The following NAV3 variants were observed in gnomAD, a reference collection of about 807,000 sequenced individuals.
NAV3 encodes neuron navigator 3, also known as pore membrane and/or filament interacting like protein 1.
Under a neutral mutation model 244.7 loss-of-function variants are expected in NAV3, and 87 were observed. The ratio of observed to expected loss-of-function variants is 0.36; its 90% CI spans 0.30 to 0.42. The LOEUF (loss-of-function observed/expected upper bound fraction) is 0.42. NAV3 is among the 20% of genes least tolerant of loss of function. The pLI is 1.00. For missense variants in NAV3, 2,663 were observed against 2,893.3 expected, an observed-to-expected ratio of 0.92 and a Z score of 1.83; for synonymous variants, 1,126 against 1,042.2, an observed-to-expected ratio of 1.08 and a Z score of -1.55.
chr12:77,912,910 C>T (rs543126976), intron 1 of NAV3, among the ~76,000 whole-genome samples: 1 of 152,266 alleles, frequency 6.6e-6, no homozygotes, highest in East Asian at 1.9e-4. Context: ...TGCCGTTTTA[C>T]ATGCATTTTT....
At chr12:78,104,285 A>G (rs1954689617) in intron 12 of NAV3, among the ~76,000 whole-genome samples, 1 of 152,224 alleles carries the variant, frequency 6.6e-6, no homozygotes, top group African/African-American at 2.4e-5. Context: ...TACCTGCCAT[A>G]TGAAGTGCTA....
chr12:78,140,918 G>A (rs931730585), intron 20 of NAV3, among the ~76,000 whole-genome samples: 1 of 150,986 alleles, frequency 6.6e-6, no homozygotes, highest in Admixed American at 6.6e-5. Flanking sequence ...TTGAGTCGAG[G>A]TCTTGCTTTG....
intron 2 of NAV3, among the ~76,000 whole-genome samples, chr12:77,819,672 T>G (rs1171193244): frequency 1.3e-5 from 2 of 152,102 alleles, no homozygotes; most frequent in African/African-American, 4.8e-5. Context: ...CAAGACAATA[T>G]GGACACAGGA....
At chr12:78,136,848 C>T (rs765036881) in intron 18 of NAV3, among the ~76,000 whole-genome samples, 1 of 152,118 alleles carries the variant, frequency 6.6e-6, no homozygotes, top group Non-Finnish European at 1.5e-5. Context: ...AAACCGAAAA[C>T]TCTAGAAAGA....
chr12:77,943,127 A>G lies in NAV3; in HGVS notation c.414+1994A>G, dbSNP rs140950517. ...GTTAATAGAGATGCTGTTTTTACCTATTTATCTGAAACAGCTGTTCCTAGA... is the reference window on the plus strand; with the variant it reads ...GTTAATAGAGATGCTGTTTTTACCTGTTTATCTGAAACAGCTGTTCCTAGA... On this transcript the variant is annotated intron_variant, in intron 3 of 39. Transcript: ENST00000397909. 2.5e-3 allele frequency among the ~76,000 whole-genome samples: 380 copies of G among 152,276 alleles called. 5 individuals carry two copies. The South Asian group carries it at 0.028, about 11-fold the overall frequency.
At chr12:77,690,432 AGTC>A (rs943621972) in intron 2 of NAV3, among the ~76,000 whole-genome samples, 8 of 151,864 alleles carry the variant, frequency 5.3e-5, no homozygotes, top group Admixed American at 5.3e-4. Context: ...AAGTAGTTAA[AGTC>A]GTATTAATCA....
rs1873581396 is a variant in NAV3 at position 77,831,151 on chromosome 12, CAGAGAGAGAGAGAGAGACAGAG to C, written c.-293_-272del. On this transcript the variant is annotated 5_prime_UTR_variant, in exon 1 of 40. Transcript: ENST00000397909. ...ATTACTTAGATACTGAGTCACTGAACAGAGAGAGAGAGAGAGACAGAGAGAGAGAGAGAGAGAGAGAGACAGA... is the reference window on the plus strand; with the variant it reads ...ATTACTTAGATACTGAGTCACTGAACAGAGAGAGAGAGAGAGAGAGACAGA... 3 of 155,966 alleles carry C rather than the reference CAGAGAGAGAGAGAGAGACAGAG, an allele frequency of 1.9e-5. No homozygotes were observed. The highest frequency in any genetic ancestry group is 3.5e-5 in the African/African-American group (1 of 28,192). The allele number at this position is 155,966 out of a possible 1,614,324, so 9.7% of individuals were successfully genotyped here.
chr12:78,177,049 G>A, intron 26 of NAV3, 92 bp from the exon 27 acceptor site: 1 of 1,296,358 alleles, frequency 7.7e-7, no homozygotes. Context: ...ACCCCAGGCA[G>A]TGGCTAGGAT....
At chr12:77,663,836 A>T (rs559816583) in intron 2 of NAV3, among the ~76,000 whole-genome samples, 5 of 152,288 alleles carry the variant, frequency 3.3e-5, no homozygotes, top group African/African-American at 9.6e-5. Context: ...TATTTCTTTT[A>T]AGTGAGCATG....
At chr12:78,000,976 TAA>T (rs58014765) in intron 7 of NAV3, among the ~76,000 whole-genome samples, 530 of 141,122 alleles carry the variant, frequency 3.8e-3, no homozygotes, top group Middle Eastern at 3.6e-3. Context: ...AGACTGGGTC[TAA>T]AAAAAAAAAA....
intron 1 of NAV3, among the ~76,000 whole-genome samples, chr12:77,832,355 A>C (rs949050763): frequency 6.6e-6 from 1 of 152,240 alleles, no homozygotes; most frequent in Admixed American, 6.5e-5. Flanking sequence ...TTTCTAAAGC[A>C]TACTACAACC....
At chr12:77,599,629 G>T (rs1322288290) in intron 2 of NAV3, among the ~76,000 whole-genome samples, 1 of 151,654 alleles carries the variant, frequency 6.6e-6, no homozygotes, top group African/African-American at 2.4e-5. Flanking sequence ...ATATATATGT[G>T]TGATATATAT....
chr12:77,659,690 G>A (rs1422467870), intron 2 of NAV3, among the ~76,000 whole-genome samples: 6 of 152,128 alleles, frequency 3.9e-5, no homozygotes, highest in Non-Finnish European at 7.3e-5. Context: ...ATTCACAATA[G>A]CAAAGACTTG....
At chr12:78,188,474 T>C (rs780379929) in intron 32 of NAV3, 131 bp downstream of exon 32, 6 of 1,162,482 alleles carry the variant, frequency 5.2e-6, no homozygotes, top group Non-Finnish European at 7.3e-6. Flanking sequence ...GTTTGTGCTA[T>C]TTGATATTAA....
chr12:77,576,685 T>C (rs1869100654), intron 2 of NAV3, among the ~76,000 whole-genome samples: 1 of 152,088 alleles, frequency 6.6e-6, no homozygotes, highest in South Asian at 2.1e-4. Flanking sequence ...AGGTGTAGAC[T>C]ACTTAAGATT....
intron 2 of NAV3, among the ~76,000 whole-genome samples, chr12:77,748,325 G>C (rs1473779333): frequency 1.3e-5 from 2 of 152,126 alleles, no homozygotes; most frequent in Non-Finnish European, 2.9e-5. Context: ...TCCATCTGTG[G>C]TTTGATTTAC....
chr12:77,734,860 A>G (rs765029369), intron 2 of NAV3, among the ~76,000 whole-genome samples: 12 of 152,178 alleles, frequency 7.9e-5, no homozygotes, highest in Non-Finnish European at 1.6e-4. Context: ...CGCAAAAACA[A>G]CAGAATTACT....
At chr12:77,847,393 T>A (rs1876819581) in intron 1 of NAV3, among the ~76,000 whole-genome samples, 1 of 152,212 alleles carries the variant, frequency 6.6e-6, no homozygotes, top group African/African-American at 2.4e-5. Context: ...TGTCTAGTTA[T>A]CCCAGGCAGA....
At chr12:77,589,597 C>G (rs1869810533) in intron 2 of NAV3, among the ~76,000 whole-genome samples, 1 of 152,078 alleles carries the variant, frequency 6.6e-6, no homozygotes, top group Admixed American at 6.5e-5. Flanking sequence ...AGGGGGAATT[C>G]CCTTATAAAA....
Sources: allele counts gnomAD v4.1 joint callset (sites outside exome capture counted in the v4.1 genomes callset), GRCh38; gene constraint gnomAD v4.1.1; transcripts MANE v1.5; gene names NCBI Gene and HGNC (gene_info 2026-07-23, HGNC 2026-07-21).